The following ATP11A variants were observed in gnomAD, a reference collection of about 807,000 sequenced individuals.
The protein encoded by ATP11A is phospholipid-transporting ATPase IH.
Under a neutral mutation model 154.4 loss-of-function variants are expected in ATP11A, and 81 were observed. That is an observed-to-expected ratio of 0.52 (90% CI 0.44 to 0.63). ATP11A has a LOEUF of 0.63. Among genes scored for constraint, ATP11A ranks in the 30% least tolerant of loss-of-function variants. The pLI, the probability that ATP11A is intolerant of heterozygous loss-of-function variation, is 0.00. For missense variants in ATP11A, 1,316 were observed against 1,474.3 expected (o/e 0.89, Z 1.76); for synonymous variants, 623 against 585.9 (o/e 1.06, Z -0.91).
At chr13:112,712,728 G>T (rs1418876909) in intron 1 of ATP11A, among the ~76,000 whole-genome samples, 1 of 152,194 alleles carries the variant, frequency 6.6e-6, no homozygotes, top group East Asian at 1.9e-4. Context: ...TCGGTGAGGT[G>T]AGGGCCAGTT....
chr13:112,787,463 C>T (rs1163103906), intron 2 of ATP11A, among the ~76,000 whole-genome samples: 2 of 114,354 alleles, frequency 1.7e-5, no homozygotes, highest in African/African-American at 5.1e-5. Flanking sequence ...ATGTGTAGAC[C>T]CCTGTGGATA....
rs1885827750 is a variant in ATP11A at position 112,696,533 on chromosome 13, C to T, written c.39+6078C>T. ...CTGAGTGACACTGTCTGCCCTGCTG[C>T]TTGCCGTCCCGCTGTTGGCACCGCT... is the stretch of plus-strand genomic sequence containing the variant. On this transcript the variant is annotated intron_variant, in intron 1 of 29. Transcript: ENST00000375645. The surrounding 1 kb of genome is among the most constrained non-coding windows in gnomAD (Gnocchi z 6.2). Among the ~76,000 whole-genome samples, 1 of 152,162 alleles carries T rather than the reference C, an allele frequency of 6.6e-6. No homozygotes were observed. The highest frequency in any genetic ancestry group is 6.5e-5 in the Admixed American group (1 of 15,286).
chr13:112,846,704 C>T (rs920352211), intron 17 of ATP11A, among the ~76,000 whole-genome samples: 1 of 152,200 alleles, frequency 6.6e-6, no homozygotes, highest in Non-Finnish European at 1.5e-5. Flanking sequence ...GGCCTGTGGC[C>T]GGATGCCTGC....
intron 1 of ATP11A, among the ~76,000 whole-genome samples, chr13:112,765,351 C>T (rs576189426): frequency 9.2e-5 from 14 of 152,292 alleles, no homozygotes; most frequent in African/African-American, 2.2e-4. Flanking sequence ...CCCGCCCTGC[C>T]TTGTTTTCTG....
intron 1 of ATP11A, among the ~76,000 whole-genome samples, chr13:112,773,529 A>C (rs960566270): frequency 2.6e-5 from 4 of 152,152 alleles, no homozygotes; most frequent in African/African-American, 9.7e-5. Flanking sequence ...TGAAAGAGCA[A>C]ATGAAGGGAA....
rs141053618 is a variant in ATP11A, at chr13:112,774,567, G to A, written c.40-10568G>A. ...TGTGCTGCACCCACTCACAAAAGACGTGTACCAGATCACAGTTGCGGCTCA... is the reference window on the plus strand; with the variant it reads ...TGTGCTGCACCCACTCACAAAAGACATGTACCAGATCACAGTTGCGGCTCA... On this transcript the variant is annotated intron_variant, in intron 1 of 29. Coordinates refer to ENST00000375645, the MANE Select transcript of ATP11A (RefSeq NM_015205.3). Among the ~76,000 whole-genome samples the A allele has an allele frequency of 1.2e-3, 187 of 152,348 alleles. No individual in the cohort carries two copies. In the East Asian group the frequency reaches 0.013, roughly 10 times the overall value.
chr13:112,759,647 T>G (rs920021353), intron 1 of ATP11A, among the ~76,000 whole-genome samples: 2 of 152,250 alleles, frequency 1.3e-5, no homozygotes, highest in Admixed American at 6.5e-5. Flanking sequence ...CTTTATCATC[T>G]GCTTACTGTG....
At chr13:112,853,679 G>A (rs1566574451) in intron 18 of ATP11A, among the ~76,000 whole-genome samples, 2 of 152,162 alleles carry the variant, frequency 1.3e-5, no homozygotes, top group African/African-American at 4.8e-5. Flanking sequence ...CCTTACTCGT[G>A]ACATCATGGT....
At chr13:112,728,934 C>A (rs1458306956) in intron 1 of ATP11A, among the ~76,000 whole-genome samples, 1 of 152,202 alleles carries the variant, frequency 6.6e-6, no homozygotes, top group Non-Finnish European at 1.5e-5. Flanking sequence ...CCACTGCAAA[C>A]TCCACCGTGG....
At chr13:112,724,010 TAAAG>T (rs1038434452) in intron 1 of ATP11A, among the ~76,000 whole-genome samples, 1 of 151,818 alleles carries the variant, frequency 6.6e-6, no homozygotes, top group Admixed American at 6.6e-5. Context: ...AACTTTTAAA[TAAAG>T]AAGATGAGCA....
At chr13:112,763,343 C>G (rs1275579930) in intron 1 of ATP11A, among the ~76,000 whole-genome samples, 1 of 152,116 alleles carries the variant, frequency 6.6e-6, no homozygotes, top group African/African-American at 2.4e-5. Context: ...CCCTTTGGAC[C>G]AGCAGTGACA....
At chr13:112,829,006 G>A (rs1330516938) in intron 12 of ATP11A, among the ~76,000 whole-genome samples, 1 of 152,224 alleles carries the variant, frequency 6.6e-6, no homozygotes, top group Non-Finnish European at 1.5e-5. Flanking sequence ...CCTTCTCTGT[G>A]TCCTGTGCAC....
intron 1 of ATP11A, among the ~76,000 whole-genome samples, chr13:112,772,030 G>A (rs773197967): frequency 2.6e-5 from 4 of 152,200 alleles, no homozygotes; most frequent in Admixed American, 6.5e-5. Context: ...AGGCGGCAGC[G>A]GCTGAGGCAG....
At position 112,722,123 on chromosome 13, in the gene ATP11A, C is replaced by T. The variant is rs191354474; in HGVS notation, c.39+31668C>T. Among the ~76,000 whole-genome samples, 362 of 152,240 alleles carry T rather than the reference C, an allele frequency of 2.4e-3. 1 individual carries two copies. The highest frequency in any genetic ancestry group is 4.6e-3 in the Non-Finnish European group (312 of 68,024). ...CTGAGCCAAATATGAGTGACCATGGCCTGTCACACAGTCCTCAGGAGGTCC... is the reference window on the plus strand; with the variant it reads ...CTGAGCCAAATATGAGTGACCATGGTCTGTCACACAGTCCTCAGGAGGTCC... On this transcript the variant is annotated intron_variant, in intron 1 of 29. Transcript: ENST00000375645.
intron 14 of ATP11A, 151 bp downstream of exon 14, chr13:112,833,174 A>C: frequency 1.0e-6 from 1 of 981,002 alleles, no homozygotes; most frequent in Non-Finnish European, 1.4e-6. Context: ...GCTTCTCTGG[A>C]CCCCCGTCCC....
rs1594253228 is a variant in ATP11A, at chr13:112,875,700, G to A, written c.3162-76G>A. 3.4e-6 allele frequency: 5 copies of A among 1,488,350 alleles called. 1 individual carries two copies. Among genetic ancestry groups the A allele is most frequent in the Admixed American group, 1.9e-5 (1 of 52,868 alleles). The allele number at this position is 1,488,350 out of a possible 1,614,324, so 92.2% of individuals were successfully genotyped here. A position where few individuals can be genotyped will look rare whatever the true frequency, so the allele number is the denominator to read the frequency against. On this transcript the variant is annotated intron_variant, in intron 27 of 29. Transcript: ENST00000375645. This position sits in a 1 kb window ranked among gnomAD's most constrained non-coding sequence, Gnocchi z 4.1. ...AAAAGTGTAAACTCCCTGAACAGACGGCCTCTCCAGTGAGTAGAGAGGCCA... is the reference window on the plus strand; with the variant it reads ...AAAAGTGTAAACTCCCTGAACAGACAGCCTCTCCAGTGAGTAGAGAGGCCA...
At chr13:112,804,878 C>A (rs1265941082) in intron 2 of ATP11A, 79 bp from the exon 3 acceptor site, 5 of 782,744 alleles carry the variant, frequency 6.4e-6, no homozygotes, top group Non-Finnish European at 8.2e-6. Flanking sequence ...AAATCCAGTG[C>A]TACTTACTAT....
chr13:112,690,469 G>T lies in ATP11A; in HGVS notation c.39+14G>T. The T allele has an allele frequency of 1.5e-6, 2 of 1,343,396 alleles. No individual in the cohort carries two copies. Among genetic ancestry groups the T allele is most frequent in the East Asian group, 2.9e-5 (1 of 34,842 alleles). The allele number at this position is 1,343,396 out of a possible 1,614,324, so 83.2% of individuals were successfully genotyped here. On this transcript the variant is annotated intron_variant, in intron 1 of 29. Coordinates refer to ENST00000375645, the MANE Select transcript of ATP11A (RefSeq NM_015205.3). This position sits in a 1 kb window ranked among gnomAD's most constrained non-coding sequence, Gnocchi z 5.6. ...GTGCACAGATACGTGAGTGCTCCCG[G>T]CGCGGGCTGGGGGACCCGGGGACCA...
At chr13:112,769,462 C>A (rs1217270463) in intron 1 of ATP11A, among the ~76,000 whole-genome samples, 1 of 152,216 alleles carries the variant, frequency 6.6e-6, no homozygotes, top group Non-Finnish European at 1.5e-5. Flanking sequence ...CTCTTTGCTG[C>A]GCTTCCTCTT....
Sources: gnomAD v4.1 joint callset for allele counts (sites outside exome capture counted in the v4.1 genomes callset) on GRCh38, gnomAD v4.1.1 for gene constraint, Gnocchi (gnomAD v3.1) non-coding constraint, MANE v1.5 for transcripts, NCBI Gene and HGNC (gene_info 2026-07-23, HGNC 2026-07-21) for gene names.